The following DSC1 variants were observed in gnomAD, a reference collection of about 807,000 sequenced individuals.
DSC1 encodes the protein desmocollin-1.
Under a neutral mutation model 98.8 loss-of-function variants are expected in DSC1, and 79 were observed. The observed-to-expected ratio is 0.80, with a 90% CI of 0.67 to 0.96. DSC1 has a LOEUF of 0.96. DSC1 is among the 50% of genes least tolerant of loss of function. The pLI, the probability that DSC1 is intolerant of heterozygous loss-of-function variation, is 0.00. For missense variants in DSC1, 1,115 were observed against 1,075.9 expected, an observed-to-expected ratio of 1.04 and a Z score of -0.51; for synonymous variants, 405 against 372.1, an observed-to-expected ratio of 1.09 and a Z score of -1.02.
At chr18:31,158,428 T>C (rs746828819) in intron 2 of DSC1, among the ~76,000 whole-genome samples, 4 of 152,236 alleles carry the variant, frequency 2.6e-5, no homozygotes, top group Admixed American at 6.5e-5. Flanking sequence ...ACACATTTAG[T>C]GTATTTACTA....
Position 31,157,406 on chromosome 18 carries a change from C to T in DSC1, c.316G>A (p.Glu106Lys), listed in dbSNP as rs1568005575. ...LSDGQRREQQ[E>K]IKVVLSAREN... is the part of the protein sequence containing the mutation. ...CTTGCTGACAGTACAACTTTTATCT[C>T]TTGTTGTTCCCGTCTCTGACCATCT... Residue 106 changes from glutamate to lysine, a missense_variant, in exon 3 of 16, where the codon GAG becomes AAG. Transcript: ENST00000257198. The T allele has an allele frequency of 1.2e-6, 2 of 1,614,184 alleles. No homozygotes were observed. Among genetic ancestry groups the T allele is most frequent in the Admixed American group, 1.7e-5 (1 of 60,010 alleles).
chr18:31,134,649 C>A lies in DSC1; in HGVS notation c.1799G>T (p.Gly600Val). 1 of 1,612,880 alleles carries A rather than the reference C, an allele frequency of 6.2e-7. No homozygotes were observed. Among genetic ancestry groups the A allele is most frequent in the Non-Finnish European group, 8.5e-7 (1 of 1,179,424 alleles). The change falls in exon 12 of 16, where the codon GGA becomes GTA. Residue 600 changes from glycine to valine, a missense_variant. Coordinates refer to ENST00000257198, the MANE Select transcript of DSC1 (RefSeq NM_024421.2). ...TTGAAAAGGTGGTCCATTTTCAGGT[C>A]CATCTGGATCTACAGGTTTCAGAAC... ...FAVLKPVDPD[G>V]PENGPPFQFF... is the part of the protein sequence containing the mutation.
At chr18:31,137,965 ATGTG>A (rs201493651) in intron 11 of DSC1, among the ~76,000 whole-genome samples, 16,258 of 141,448 alleles carry the variant, frequency 0.11, 968 homozygotes, top group East Asian at 0.28. Context: ...TCAGAGCAAA[ATGTG>A]TGTGTGTGTG....
chr18:31,138,663 C>G (rs939481426), intron 11 of DSC1, among the ~76,000 whole-genome samples: 38 of 151,468 alleles, frequency 2.5e-4, no homozygotes, highest in African/African-American at 9.0e-4. Flanking sequence ...AACATTTTCA[C>G]TACTACCAAC....
Position 31,157,406 on chromosome 18 carries a change from C to A in DSC1, c.316G>T (p.Glu106Ter). The change falls in exon 3 of 16, where the codon GAG (glutamate) becomes TAG (stop). Residue 106 changes from glutamate to a stop codon, truncating the protein, a stop_gained. Transcript: ENST00000257198. LOFTEE classifies it high-confidence loss of function. The part of the protein sequence containing the change: ...LSDGQRREQQ[E>*]IKVVLSAREN... Reference sequence around the variant, plus strand: ...CTTGCTGACAGTACAACTTTTATCTCTTGTTGTTCCCGTCTCTGACCATCT... The same window carrying A: ...CTTGCTGACAGTACAACTTTTATCTATTGTTGTTCCCGTCTCTGACCATCT... 6.2e-7 allele frequency: 1 copy of A among 1,614,184 alleles called. No individual in the cohort carries two copies. The highest frequency in any genetic ancestry group is 1.1e-5 in the South Asian group (1 of 91,074).
At chr18:31,131,504 GTAT>G in intron 15 of DSC1, 87 bp downstream of exon 15, 1 of 1,499,080 alleles carries the variant, frequency 6.7e-7, no homozygotes, top group Non-Finnish European at 9.1e-7. Flanking sequence ...TGAATTCCAG[GTAT>G]ATGAGGAGTA....
chr18:31,137,902 G>A (rs1325659978), intron 11 of DSC1, among the ~76,000 whole-genome samples: 2 of 151,684 alleles, frequency 1.3e-5, no homozygotes, highest in East Asian at 3.9e-4. Flanking sequence ...AAGAAAGTTG[G>A]ATTCTAAGAC....
intron 6 of DSC1, among the ~76,000 whole-genome samples, chr18:31,147,366 A>C (rs1005650412): frequency 3.9e-5 from 6 of 152,132 alleles, no homozygotes; most frequent in Non-Finnish European, 8.8e-5. Flanking sequence ...TTTAATATGA[A>C]TGGCATTTGT....
chr18:31,150,070 C>T (rs947314629), intron 5 of DSC1, among the ~76,000 whole-genome samples: 156 of 145,216 alleles, frequency 1.1e-3, no homozygotes, highest in Non-Finnish European at 1.8e-3. Flanking sequence ...ACCATCATCA[C>T]CACCACCATC....
chr18:31,131,143 TAAAAC>T (rs1278408794), intron 15 of DSC1, among the ~76,000 whole-genome samples: 7 of 152,176 alleles, frequency 4.6e-5, no homozygotes, highest in Admixed American at 1.3e-4. Flanking sequence ...AATCTGAACA[TAAAAC>T]AAAACAAGGA....
At chr18:31,133,227 A>G (rs1219074525) in intron 13 of DSC1, among the ~76,000 whole-genome samples, 1 of 152,176 alleles carries the variant, frequency 6.6e-6, no homozygotes, top group African/African-American at 2.4e-5. Flanking sequence ...AGAGGGAGAG[A>G]GAAAGAAAAA....
intron 6 of DSC1, among the ~76,000 whole-genome samples, chr18:31,146,274 T>C (rs764145703): frequency 1.3e-5 from 2 of 152,164 alleles, no homozygotes; most frequent in Non-Finnish European, 2.9e-5. Context: ...TTGTTTGTTG[T>C]TCCCATTTTT....
Position 31,160,657 on chromosome 18 carries a change from G to T in DSC1, c.64-1128C>A, listed in dbSNP as rs141558026. On this transcript the variant is annotated intron_variant, in intron 1 of 15. Transcript: ENST00000257198. ...CCACTTTTTAAAACGTGAGACATTCGTATTTATTTAACTTTTTAAATATGT... is the reference window on the plus strand; with the variant it reads ...CCACTTTTTAAAACGTGAGACATTCTTATTTATTTAACTTTTTAAATATGT... Among the ~76,000 whole-genome samples the T allele has an allele frequency of 2.8e-3, 423 of 152,168 alleles. 1 individual carries two copies. Among genetic ancestry groups the T allele is most frequent in the African/African-American group, 9.7e-3 (403 of 41,528 alleles).
intron 5 of DSC1, among the ~76,000 whole-genome samples, chr18:31,152,396 C>T (rs1598627421): frequency 1.3e-5 from 2 of 152,082 alleles, no homozygotes; most frequent in Admixed American, 6.6e-5. Flanking sequence ...CCTATGGCTA[C>T]TACTCCCAAA....
Position 31,134,645 on chromosome 18 carries a change from A to G in DSC1, c.1803T>C (p.Pro601=). The G allele has an allele frequency of 6.2e-7, 1 of 1,612,898 alleles. No homozygotes were observed. The highest frequency in any genetic ancestry group is 8.5e-7 in the Non-Finnish European group (1 of 1,179,374). Residue 601 remains proline (P), a synonymous_variant, in exon 12 of 16, where the codon CCT becomes CCC. Transcript: ENST00000257198. ...AGAATTGAAAAGGTGGTCCATTTTC[A>G]GGTCCATCTGGATCTACAGGTTTCA... ...AVLKPVDPDG[P]ENGPPFQFFL...
chr18:31,143,776 GGTAA>G lies in DSC1; in HGVS notation c.951_954del (p.Tyr318SerfsTer2). 2 of 1,588,012 alleles carry G rather than the reference GGTAA, an allele frequency of 1.3e-6. No homozygotes were observed. Among genetic ancestry groups the G allele is most frequent in the Non-Finnish European group, 1.7e-6 (2 of 1,168,322 alleles). Reference sequence around the variant, plus strand: ...ATGTCTCGCACTTCCATTATTAACTGGTAAGTATCACATTTCTGAAAAAAAGGAA... The same window carrying G: ...ATGTCTCGCACTTCCATTATTAACTGGTATCACATTTCTGAAAAAAAGGAA... On this transcript the variant is annotated frameshift_variant, in exon 8 of 16. Coordinates refer to ENST00000257198, the MANE Select transcript of DSC1 (RefSeq NM_024421.2). LOFTEE classifies it high-confidence loss of function.
Position 31,131,609 on chromosome 18 carries a change from T to G in DSC1, c.2472A>C (p.Gln824His), listed in dbSNP as rs1264934544. The G allele has an allele frequency of 2.5e-6, 4 of 1,613,920 alleles. No individual in the cohort carries two copies. In the African/African-American group the frequency reaches 4.0e-5, roughly 16 times the overall value. The change falls in exon 15 of 16, where the codon CAA becomes CAC. Residue 824 changes from glutamine (Q) to histidine (H), a missense_variant. By Grantham distance (24) the Gln-to-His change is conservative (BLOSUM62 0). Coordinates refer to ENST00000257198, the MANE Select transcript of DSC1 (RefSeq NM_024421.2). ...TGGAACTTACTTCGCCAAGCCGAGG[T>G]TGGGTGAAACTCTGCCAGTCCGTGT... ...YAYTDWQSFT[Q>H]PRLGEKVYLC...
chr18:31,134,687 A>G lies in DSC1; in HGVS notation c.1761T>C (p.Asn587=). 1 of 1,613,194 alleles carries G rather than the reference A, an allele frequency of 6.2e-7. No individual in the cohort carries two copies. The part of the protein sequence containing the change: ...IDKEVTICQN[N]EDFAVLKPVD... The stretch of plus-strand genomic sequence containing the variant: ...CAGGTTTCAGAACAGCAAAATCCTC[A>G]TTATTCTGACAAATGGTCACTTCTT... The change falls in exon 12 of 16, where the codon AAT becomes AAC. Residue 587 remains asparagine, a synonymous_variant. Transcript: ENST00000257198.
intron 11 of DSC1, among the ~76,000 whole-genome samples, chr18:31,136,392 C>CA (rs1285351551): frequency 3.3e-5 from 5 of 151,788 alleles, no homozygotes; most frequent in African/African-American, 4.8e-5. Flanking sequence ...TTTAAAAATC[C>CA]AAAAAAAGTG....
Sources: allele counts gnomAD v4.1 joint callset (sites outside exome capture counted in the v4.1 genomes callset), GRCh38; gene constraint gnomAD v4.1.1; transcripts MANE v1.5; gene names NCBI Gene and HGNC (gene_info 2026-07-23, HGNC 2026-07-21).